Variants in MYO9A observed in about 807,000 individuals in gnomAD.
MYO9A encodes the protein myosin IXA.
A neutral mutation model predicts 293.3 loss-of-function variants in MYO9A; 103 were observed. That is an observed-to-expected ratio of 0.35 (90% CI 0.30 to 0.41). The LOEUF is 0.41. Among genes scored for constraint, MYO9A ranks in the 10% least tolerant of loss-of-function variants. MYO9A has a pLI of 1.00. For synonymous variants in MYO9A, 1,001 were observed against 1,035.7 expected, an observed-to-expected ratio of 0.97 and a Z score of 0.64; for missense variants, 2,685 against 3,033.0, an observed-to-expected ratio of 0.89 and a Z score of 2.69.
rs113416873 is a variant in MYO9A at position 71,854,055 on chromosome 15, T to G, written c.6346+322A>C. 4.1e-3 allele frequency among the ~76,000 whole-genome samples: 625 copies of G among 152,364 alleles called. 3 individuals carry two copies. Among genetic ancestry groups the G allele is most frequent in the Non-Finnish European group, 6.3e-3 (427 of 68,030 alleles). ...ATTAGTACAGCACCTTGCATCATCA[T>G]CAGCAGCTCATTATTTAATTTCCCT... On this transcript the variant is annotated intron_variant, in intron 35 of 41. Coordinates refer to ENST00000356056, the MANE Select transcript of MYO9A (RefSeq NM_006901.4).
chr15:72,055,177 T>C (rs1482402302), intron 1 of MYO9A, among the ~76,000 whole-genome samples: 1 of 152,208 alleles, frequency 6.6e-6, no homozygotes. Context: ...TCATAGCTAT[T>C]TGAAAGGCTG....
intron 39 of MYO9A, among the ~76,000 whole-genome samples, chr15:71,831,276 G>T (rs2054715762): frequency 6.6e-6 from 1 of 152,116 alleles, no homozygotes; most frequent in African/African-American, 2.4e-5. Flanking sequence ...GTAAATACAG[G>T]TTCACTGGAA....
At chr15:72,022,602 CA>C (rs1406249928) in intron 4 of MYO9A, among the ~76,000 whole-genome samples, 2 of 151,996 alleles carry the variant, frequency 1.3e-5, no homozygotes, top group Non-Finnish European at 2.9e-5. Flanking sequence ...GGTTGGAGTG[CA>C]GTGGCATGCT....
At chr15:71,914,170 T>A (rs2057941955) in intron 19 of MYO9A, among the ~76,000 whole-genome samples, 1 of 152,170 alleles carries the variant, frequency 6.6e-6, no homozygotes, top group Non-Finnish European at 1.5e-5. Context: ...TCTCTTCAAT[T>A]AGCAAGACCA....
chr15:72,045,266 A>AT (rs34691980), intron 2 of MYO9A: 10 of 146,290 alleles, frequency 6.8e-5, no homozygotes, highest in East Asian at 4.0e-4. Flanking sequence ...TCCAAAGACA[A>AT]TTTTTTTTTT....
intron 19 of MYO9A, among the ~76,000 whole-genome samples, chr15:71,913,433 A>G (rs1410923880): frequency 6.6e-6 from 1 of 152,212 alleles, no homozygotes; most frequent in Non-Finnish European, 1.5e-5. Context: ...AGACTCTGTC[A>G]TCACCTTCCA....
intron 1 of MYO9A, among the ~76,000 whole-genome samples, chr15:72,071,837 A>C (rs1201311077): frequency 1.3e-5 from 2 of 152,114 alleles, no homozygotes; most frequent in Non-Finnish European, 2.9e-5. Flanking sequence ...AGAACTAAAA[A>C]TTAAACTACC....
At chr15:72,015,806 G>T (rs1457711022) in intron 6 of MYO9A, among the ~76,000 whole-genome samples, 1 of 150,570 alleles carries the variant, frequency 6.6e-6, no homozygotes, top group Non-Finnish European at 1.5e-5. Flanking sequence ...TCCTGCCTCA[G>T]CCTCCTGAGT....
intron 14 of MYO9A, among the ~76,000 whole-genome samples, chr15:71,954,124 G>A (rs1290262873): frequency 6.6e-6 from 1 of 152,076 alleles, no homozygotes; most frequent in Non-Finnish European, 1.5e-5. Context: ...TCGACCTCCT[G>A]ACCTCGTGAC....
At chr15:71,905,311 A>AATTTATTGTAGGAT (rs1345992927) in intron 19 of MYO9A, among the ~76,000 whole-genome samples, 1 of 152,172 alleles carries the variant, frequency 6.6e-6, no homozygotes, top group Non-Finnish European at 1.5e-5. Flanking sequence ...ATTTTATTCA[A>AATTTATTGTAGGAT]ACTCATGTAT....
In MYO9A at chr15:71,994,583, A is replaced by G. The variant is rs772414207; in HGVS notation, c.1473T>C (p.Ala491=). 4.4e-6 allele frequency: 7 copies of G among 1,579,446 alleles called. No individual in the cohort carries two copies. The African/African-American group carries it at 9.5e-5, about 22-fold the overall frequency. The change falls in exon 10 of 42, where the codon GCT becomes GCC. Residue 491 remains alanine, a splice_region_variant and synonymous_variant. Coordinates refer to ENST00000356056, the MANE Select transcript of MYO9A (RefSeq NM_006901.4). The part of the protein sequence containing the change: ...KLILPYKLAE[A]VTVRNSMAKS... ...TAGCCATGGAGTTCCTCACTGTCAC[A>G]GCCTGAAAAACAAAAGCATTACAAG...
At position 71,991,137 on chromosome 15, in the gene MYO9A, T is replaced by A. The variant is rs2076533851; in HGVS notation, c.1688A>T (p.His563Leu). The A allele has an allele frequency of 1.2e-6, 2 of 1,608,092 alleles. No homozygotes were observed. The highest frequency in any genetic ancestry group is 1.7e-6 in the Non-Finnish European group (2 of 1,177,672). ...TTTAAAGATATGCTGATTAAAGTAG[T>A]GCTGTAAACGTTCATTAGCAAAATT... ...CINFANERLQ[H>L]YFNQHIFKLE... Residue 563 changes from histidine (H) to leucine (L), a missense_variant, in exon 11 of 42, where the codon CAC becomes CTC. Coordinates refer to ENST00000356056, the MANE Select transcript of MYO9A (RefSeq NM_006901.4).
chr15:71,992,453 C>CT (rs973794768), intron 10 of MYO9A, among the ~76,000 whole-genome samples: 1 of 152,124 alleles, frequency 6.6e-6, no homozygotes, highest in African/African-American at 2.4e-5. Context: ...ATAGTAAGAT[C>CT]TTTTTTAAAA....
intron 1 of MYO9A, among the ~76,000 whole-genome samples, chr15:72,100,512 G>A (rs965230241): frequency 6.7e-6 from 1 of 148,194 alleles, no homozygotes; most frequent in African/African-American, 2.5e-5. Flanking sequence ...TCTAGGAGGT[G>A]AGGAGCGCCT....
At chr15:71,934,790 T>TCTTTTC (rs1193196908) in intron 17 of MYO9A, among the ~76,000 whole-genome samples, 1 of 135,242 alleles carries the variant, frequency 7.4e-6, no homozygotes, top group Non-Finnish European at 1.6e-5. Context: ...TCTTTTCTTT[T>TCTTTTC]TTTTTTTTTT....
chr15:71,938,774 T>G (rs2058698920), intron 16 of MYO9A, 78 bp downstream of exon 16: 1 of 1,305,910 alleles, frequency 7.7e-7, no homozygotes, highest in Non-Finnish European at 1.1e-6. Flanking sequence ...TTCAAACTTT[T>G]AAAGTCACAA....
intron 27 of MYO9A, among the ~76,000 whole-genome samples, chr15:71,884,358 T>C (rs899439703): frequency 4.6e-5 from 7 of 152,300 alleles, no homozygotes; most frequent in African/African-American, 1.7e-4. Context: ...TTATTAGTAT[T>C]ATTAACAGCC....
intron 1 of MYO9A, among the ~76,000 whole-genome samples, chr15:72,078,429 C>T (rs182306767): frequency 5.2e-4 from 79 of 152,174 alleles, no homozygotes; most frequent in Non-Finnish European, 8.1e-4. Flanking sequence ...AAGATAGAGG[C>T]TAGAGTGAGC....
intron 26 of MYO9A, chr15:71,891,719 G>C (rs1353531430): frequency 6.6e-6 from 1 of 152,058 alleles, no homozygotes; most frequent in East Asian, 1.9e-4. Context: ...TATCTAATCA[G>C]GGGACTTGTT....
Sources: gnomAD v4.1 joint callset for allele counts (sites outside exome capture counted in the v4.1 genomes callset) on GRCh38, gnomAD v4.1.1 for gene constraint, MANE v1.5 for transcripts, NCBI Gene and HGNC (gene_info 2026-07-23, HGNC 2026-07-21) for gene names.